BLM: variants seen among roughly 807,000 people sequenced by gnomAD.
The protein encoded by BLM is BLM RecQ like helicase.
Under a neutral mutation model 135.3 loss-of-function variants are expected in BLM, and 95 were observed. The observed-to-expected ratio is 0.70, with a 90% confidence interval of 0.59 to 0.83. The LOEUF is 0.83. Among genes scored for constraint, BLM ranks in the 40% least tolerant of loss-of-function variants. BLM has a pLI of 0.00. For synonymous variants in BLM, 520 were observed against 589.2 expected (o/e 0.88, Z 1.70); for missense variants, 1,518 against 1,663.9 (o/e 0.91, Z 1.53).
intron 1 of BLM, among the ~76,000 whole-genome samples, chr15:90,728,804 C>T (rs922914988): frequency 3.3e-5 from 5 of 152,004 alleles, no homozygotes; most frequent in African/African-American, 9.7e-5. Flanking sequence ...GTATATTGAC[C>T]TTGTCTCCAG....
At chr15:90,729,548 A>C (rs932832675) in intron 1 of BLM, among the ~76,000 whole-genome samples, 1 of 152,268 alleles carries the variant, frequency 6.6e-6, no homozygotes, top group East Asian at 1.9e-4. Flanking sequence ...AGCAACTTTG[A>C]GTCCTCCTGA....
At chr15:90,731,409 G>A (rs1364406752) in intron 1 of BLM, among the ~76,000 whole-genome samples, 1 of 152,122 alleles carries the variant, frequency 6.6e-6, no homozygotes, top group South Asian at 2.1e-4. Context: ...TGGGGAGTTG[G>A]TTCTTTCTAT....
rs1424143421 is a variant in BLM, at chr15:90,785,004, C to T, written c.2746C>T (p.Leu916Phe). Reference sequence around the variant, plus strand: ...GTTACAGAGAGATGGGCTCGCTGCTCTTGCTTACCATGCTGGCCTCAGTGA... The same window carrying T: ...GTTACAGAGAGATGGGCTCGCTGCTTTTGCTTACCATGCTGGCCTCAGTGA... ...DTLQRDGLAA[L>F]AYHAGLSDSA... The change falls in exon 14 of 22, where the codon CTT becomes TTT. Residue 916 changes from leucine (L) to phenylalanine (F), a missense_variant. By Grantham distance (22) the Leu-to-Phe change is conservative (BLOSUM62 0). Transcript: ENST00000355112. 1.9e-6 allele frequency: 3 copies of T among 1,614,046 alleles called. No homozygotes were observed. Among genetic ancestry groups the T allele is most frequent in the Non-Finnish European group, 2.5e-6 (3 of 1,180,050 alleles).
chr15:90,803,653 A>G lies in BLM; in HGVS notation c.3491A>G (p.Asn1164Ser), dbSNP rs751855048. Reference sequence around the variant, plus strand: ...GATGAAGACTTATATATCAATGCCAATGACCAGGCGATCGCTTATGTGATG... The same window carrying G: ...GATGAAGACTTATATATCAATGCCAGTGACCAGGCGATCGCTTATGTGATG... The part of the protein sequence containing the change: ...ILDEDLYINA[N>S]DQAIAYVMLG... Residue 1164 changes from asparagine (N) to serine (S), a missense_variant, in exon 18 of 22, where the codon AAT becomes AGT. This residue lies in a region of BLM where 626 missense variants were observed against 681.1 expected (regional missense o/e 0.92). Coordinates refer to ENST00000355112, the MANE Select transcript of BLM (RefSeq NM_000057.4). The G allele has an allele frequency of 3.1e-6, 5 of 1,614,102 alleles. No homozygotes were observed. Among genetic ancestry groups the G allele is most frequent in the South Asian group, 1.1e-5 (1 of 91,094 alleles).
rs2227934 is a variant in BLM at position 90,803,693 on chromosome 15, C to A, written c.3531C>A (p.Ala1177=). The A allele has an allele frequency of 0.17, 271,603 of 1,613,558 alleles. 23,763 individuals carry two copies. The highest frequency in any genetic ancestry group is 0.18 in the Non-Finnish European group (215,364 of 1,179,670). Residue 1177 remains alanine, a synonymous_variant, in exon 18 of 22, where the codon GCC becomes GCA. Transcript: ENST00000355112. ...AIAYVMLGNK[A]QTVLNGNLKV... Reference sequence around the variant, plus strand: ...CTTATGTGATGCTCGGAAATAAAGCCCAAACTGTACTAAATGGCAATTTAA... The same window carrying A: ...CTTATGTGATGCTCGGAAATAAAGCACAAACTGTACTAAATGGCAATTTAA...
chr15:90,779,588 G>T (rs1340360232), intron 12 of BLM, among the ~76,000 whole-genome samples: 1 of 152,120 alleles, frequency 6.6e-6, no homozygotes. Flanking sequence ...GCACTAAAAG[G>T]ACTCTAGGAG....
In BLM at chr15:90,815,356, T is replaced by A. The variant is rs116293756; in HGVS notation, c.*77T>A. ...CCATCTGTGACTATAAAGCTGTTAT[T>A]CTTGTTATACCATTTGAAGTTTTTA... On this transcript the variant is annotated 3_prime_UTR_variant, in exon 22 of 22. Coordinates refer to ENST00000355112, the MANE Select transcript of BLM (RefSeq NM_000057.4). The surrounding 1 kb of genome is among the most constrained non-coding windows in gnomAD (Gnocchi z 4.6). The A allele has an allele frequency of 2.5e-4, 371 of 1,503,950 alleles. 1 individual carries two copies. In the African/African-American group the frequency reaches 4.7e-3, roughly 19 times the overall value. 93.2% of individuals were successfully genotyped at this position (1,503,950 alleles called of 1,614,324 possible).
chr15:90,732,489 A>G (rs2151133430), intron 1 of BLM, among the ~76,000 whole-genome samples: 1 of 152,124 alleles, frequency 6.6e-6, no homozygotes, highest in Admixed American at 6.5e-5. Flanking sequence ...AGGCCCTTCC[A>G]TCTGGAAAAT....
At chr15:90,812,434 G>A (rs1373840683) in intron 21 of BLM, among the ~76,000 whole-genome samples, 1 of 152,058 alleles carries the variant, frequency 6.6e-6, no homozygotes, top group Non-Finnish European at 1.5e-5. Flanking sequence ...AGCATGGTCT[G>A]ATATGTGTGA....
chr15:90,760,962 T>C lies in BLM; in HGVS notation c.1589T>C (p.Val530Ala), dbSNP rs2151158554. 1.2e-6 allele frequency: 2 copies of C among 1,614,098 alleles called. No individual in the cohort carries two copies. Reference sequence around the variant, plus strand: ...GGAAATGTTCTCACAAGCACTGCTGTGAAAGATCAGAATAAACATACTGCT... The same window carrying C: ...GGAAATGTTCTCACAAGCACTGCTGCGAAAGATCAGAATAAACATACTGCT... ...FPGNVLTSTA[V>A]KDQNKHTASI... The change falls in exon 7 of 22, where the codon GTG (valine) becomes GCG (alanine). Residue 530 changes from valine to alanine, a missense_variant. Val to Ala is a moderately conservative substitution (Grantham distance 64). This residue lies in a region of BLM where 724 missense variants were observed against 756.9 expected (regional missense o/e 0.96). Coordinates refer to ENST00000355112, the MANE Select transcript of BLM (RefSeq NM_000057.4).
rs1201365540 is a variant in BLM, at chr15:90,761,557, A to G, written c.1882+302A>G. 2.0e-5 allele frequency among the ~76,000 whole-genome samples: 3 copies of G among 152,212 alleles called. No homozygotes were observed. In the East Asian group the frequency reaches 5.8e-4, roughly 29 times the overall value. ...TTCCTAAAACAAACTCATGAGGGCC[A>G]AGTTTTTAATGATTTTGGGATGGGC... On this transcript the variant is annotated intron_variant, in intron 7 of 21. Coordinates refer to ENST00000355112, the MANE Select transcript of BLM (RefSeq NM_000057.4).
At chr15:90,778,889 C>CTTTTTTTTTT (rs60733714) in intron 12 of BLM, among the ~76,000 whole-genome samples, 1 of 135,042 alleles carries the variant, frequency 7.4e-6, no homozygotes, top group Non-Finnish European at 1.6e-5. Flanking sequence ...TTAACCCTTT[C>CTTTTTTTTTT]TTTTTTTTTT....
intron 2 of BLM, among the ~76,000 whole-genome samples, chr15:90,748,210 GT>G (rs1200879196): frequency 2.0e-5 from 3 of 151,540 alleles, no homozygotes; most frequent in African/African-American, 4.9e-5. Flanking sequence ...CCGGGTTCAA[GT>G]GATTCTCCTG....
chr15:90,754,595 A>G (rs563416355), intron 4 of BLM, among the ~76,000 whole-genome samples: 1 of 152,364 alleles, frequency 6.6e-6, no homozygotes. Context: ...TGTTACTGAA[A>G]GGACATAATC....
chr15:90,775,992 T>C (rs1389929718), intron 12 of BLM, among the ~76,000 whole-genome samples: 1 of 152,208 alleles, frequency 6.6e-6, no homozygotes. Context: ...GCTAGGACTT[T>C]TGTTGTTCAC....
At chr15:90,776,382 A>G (rs945023494) in intron 12 of BLM, among the ~76,000 whole-genome samples, 2 of 152,350 alleles carry the variant, frequency 1.3e-5, no homozygotes, top group Non-Finnish European at 2.9e-5. Context: ...TATTCTTTCA[A>G]CAAGAATCTT....
chr15:90,738,862 GC>G (rs1315121567), intron 1 of BLM, among the ~76,000 whole-genome samples: 1 of 152,184 alleles, frequency 6.6e-6, no homozygotes, highest in Non-Finnish European at 1.5e-5. Context: ...AAAATGGGAA[GC>G]CCTGTGCATT....
chr15:90,791,101 A>G (rs1045373225), intron 15 of BLM, among the ~76,000 whole-genome samples: 3 of 152,194 alleles, frequency 2.0e-5, no homozygotes, highest in Non-Finnish European at 4.4e-5. Context: ...TTTGCCCCCA[A>G]AATAACTCTA....
At chr15:90,782,375 GA>G (rs1424331666) in intron 12 of BLM, among the ~76,000 whole-genome samples, 1 of 152,066 alleles carries the variant, frequency 6.6e-6, no homozygotes, top group East Asian at 1.9e-4. Flanking sequence ...GCGACAGAGT[GA>G]GACTCTGTCT....
Sources: gnomAD v4.1 joint callset for allele counts (sites outside exome capture counted in the v4.1 genomes callset) on GRCh38, gnomAD v4.1.1 for gene constraint, gnomAD v4.1.1 regional missense constraint, Gnocchi (gnomAD v3.1) non-coding constraint, MANE v1.5 for transcripts, NCBI Gene and HGNC (gene_info 2026-07-23, HGNC 2026-07-21) for gene names.